The following PDE4D variants were observed in gnomAD, a reference collection of about 807,000 sequenced individuals.
PDE4D encodes the protein 3',5'-cyclic-AMP phosphodiesterase 4D.
A neutral mutation model predicts 87.4 loss-of-function variants in PDE4D; 24 were observed. The observed-to-expected ratio is 0.27, with a 90% confidence interval of 0.20 to 0.39. The LOEUF is 0.39. PDE4D is among the 10% of genes least tolerant of loss of function. The pLI is 1.00. For synonymous variants in PDE4D, 384 were observed against 383.2 expected (o/e 1.00, Z -0.02); for missense variants, 714 against 1,041.0 (o/e 0.69, Z 4.32).
In PDE4D at chr5:59,267,245, C is replaced by T. The variant is rs573043824; in HGVS notation, c.456-51277G>A. 2.6e-5 allele frequency among the ~76,000 whole-genome samples: 4 copies of T among 151,980 alleles called. No homozygotes were observed. In the South Asian group the frequency reaches 8.3e-4, roughly 32 times the overall value. On this transcript the variant is annotated intron_variant, in intron 1 of 14. Transcript: ENST00000340635. ...TGGACACATTTTACAGTAATTTATCCTGACTAAAATAGTATCAGTCATATA... is the reference window on the plus strand; with the variant it reads ...TGGACACATTTTACAGTAATTTATCTTGACTAAAATAGTATCAGTCATATA...
In PDE4D at chr5:60,368,891, G is replaced by A. The variant is rs151164633; in HGVS notation, c.-90+119051C>T. Among the ~76,000 whole-genome samples, 622 of 152,174 alleles carry A rather than the reference G, an allele frequency of 4.1e-3. 3 individuals carry two copies. The highest frequency in any genetic ancestry group is 6.8e-3 in the Middle Eastern group (2 of 294). On this transcript the variant is annotated intron_variant, in intron 1 of 16. Coordinates refer to the PDE4D transcript ENST00000502484. The stretch of plus-strand genomic sequence containing the variant: ...CCAGAAGCAGAAGCCTGGACAGCCC[G>A]CAGAACCATGAGCCAATTAAACCTC...
At chr5:59,290,127 T>A (rs1390000470) in intron 1 of PDE4D, among the ~76,000 whole-genome samples, 10 of 151,960 alleles carry the variant, frequency 6.6e-5, no homozygotes, top group Admixed American at 3.9e-4. Context: ...GTAGTCCCTA[T>A]AAAAATACCA....
intron 1 of PDE4D, among the ~76,000 whole-genome samples, chr5:59,237,682 C>T (rs1266482770): frequency 1.3e-5 from 2 of 152,126 alleles, no homozygotes; most frequent in African/African-American, 2.4e-5. Context: ...CATCTTGAAT[C>T]TGCTTCTTGC....
chr5:59,604,774 G>A (rs931747004), intron 1 of PDE4D, among the ~76,000 whole-genome samples: 2 of 152,006 alleles, frequency 1.3e-5, no homozygotes, highest in Admixed American at 1.3e-4. Flanking sequence ...TGCAGATTGT[G>A]AGGGGGTGGG....
intron 1 of PDE4D, among the ~76,000 whole-genome samples, chr5:60,473,875 G>T (rs61166140): frequency 0.25 from 25,631 of 103,936 alleles, 3,650 homozygotes; most frequent in African/African-American, 0.47. Flanking sequence ...GCCCCCGCCC[G>T]CCGCATTATT....
chr5:59,668,724 AAGAAGAAGAAGAAAG>A (rs1746482783), intron 1 of PDE4D, among the ~76,000 whole-genome samples: 4 of 103,392 alleles, frequency 3.9e-5, no homozygotes, highest in Admixed American at 9.3e-5. Flanking sequence ...GAAAAAAAAG[AAGAAGAAGAAGAAAG>A]AAGAAGAAGA....
intron 1 of PDE4D, among the ~76,000 whole-genome samples, chr5:59,870,256 G>C (rs986608145): frequency 6.6e-6 from 1 of 152,180 alleles, no homozygotes; most frequent in Non-Finnish European, 1.5e-5. Flanking sequence ...AACTATGATG[G>C]CTCTTATGCT....
chr5:59,690,381 A>G (rs1750703738), intron 1 of PDE4D, among the ~76,000 whole-genome samples: 1 of 152,196 alleles, frequency 6.6e-6, no homozygotes, highest in African/African-American at 2.4e-5. Flanking sequence ...ATATAGACTA[A>G]TGGAACAGAA....
chr5:58,989,572 T>G (rs1000082084), intron 10 of PDE4D, among the ~76,000 whole-genome samples, 183 bp downstream of exon 10: 1 of 151,798 alleles, frequency 6.6e-6, no homozygotes, highest in Admixed American at 6.6e-5. Context: ...TGACCAACTT[T>G]CATAAGCAAA....
At chr5:59,632,421 G>T (rs1208242638) in intron 1 of PDE4D, among the ~76,000 whole-genome samples, 1 of 152,206 alleles carries the variant, frequency 6.6e-6, no homozygotes, top group Non-Finnish European at 1.5e-5. Context: ...CCTCAAGTTG[G>T]CCCCTGACCC....
intron 1 of PDE4D, among the ~76,000 whole-genome samples, chr5:59,354,895 C>A (rs549873420): frequency 9.2e-5 from 14 of 152,254 alleles, no homozygotes; most frequent in Non-Finnish European, 2.1e-4. Context: ...GAAAGATAAA[C>A]TAGAACCTCC....
intron 2 of PDE4D, among the ~76,000 whole-genome samples, chr5:60,158,585 C>CA (rs1400096060): frequency 6.6e-6 from 1 of 152,056 alleles, no homozygotes; most frequent in East Asian, 1.9e-4. Context: ...TTTTTTGAGA[C>CA]AAAGTCTCGC....
chr5:59,135,086 C>G (rs1298504710), intron 5 of PDE4D, among the ~76,000 whole-genome samples: 1 of 152,088 alleles, frequency 6.6e-6, no homozygotes, highest in Non-Finnish European at 1.5e-5. Context: ...CCCAAATGAC[C>G]CAGGAAACGG....
intron 1 of PDE4D, among the ~76,000 whole-genome samples, chr5:60,428,263 AGATAAAT>A (rs892168124): frequency 1.5e-4 from 23 of 152,310 alleles, no homozygotes; most frequent in African/African-American, 5.5e-4. Flanking sequence ...TTAAAAAGGA[AGATAAAT>A]GATAAACAGA....
At chr5:59,417,780 A>G (rs1384135096) in intron 1 of PDE4D, among the ~76,000 whole-genome samples, 2 of 152,284 alleles carry the variant, frequency 1.3e-5, no homozygotes, top group East Asian at 3.9e-4. Flanking sequence ...TGTACCACTT[A>G]AACATTCATA....
chr5:59,964,376 C>T (rs1158893839), intron 3 of PDE4D, among the ~76,000 whole-genome samples: 1 of 152,140 alleles, frequency 6.6e-6, no homozygotes, highest in Non-Finnish European at 1.5e-5. Context: ...GTATCCCTTC[C>T]GCACCATATG....
Position 59,587,615 on chromosome 5 carries a change from AC to A in PDE4D, c.455+305552del, listed in dbSNP as rs1247978077. 5 of 985,262 alleles carry A rather than the reference AC, an allele frequency of 5.1e-6. No individual in the cohort carries two copies. The Admixed American group carries it at 2.5e-4, about 48-fold the overall frequency. The allele number at this position is 985,262 out of a possible 1,614,324, so 61.0% of individuals were successfully genotyped here. ...ACACTTGCAGGCTCCGTGGTACTGT[AC>A]ATTAACTCTGCAGCAGCCTGGCTCA... On this transcript the variant is annotated intron_variant, in intron 1 of 14. Transcript: ENST00000340635.
At chr5:59,838,289 T>C (rs1416476845) in intron 1 of PDE4D, among the ~76,000 whole-genome samples, 3 of 152,020 alleles carry the variant, frequency 2.0e-5, no homozygotes, top group Non-Finnish European at 2.9e-5. Context: ...CAGTTCAAAT[T>C]ACACTGAACC....
At chr5:60,225,546 G>T (rs895711118) in intron 1 of PDE4D, among the ~76,000 whole-genome samples, 2 of 151,914 alleles carry the variant, frequency 1.3e-5, no homozygotes, top group Non-Finnish European at 1.5e-5. Context: ...TCACTATTAG[G>T]TTCATTTGTT....
Sources: allele counts gnomAD v4.1 joint callset (sites outside exome capture counted in the v4.1 genomes callset), GRCh38; gene constraint gnomAD v4.1.1; transcripts MANE v1.5; gene names NCBI Gene and HGNC (gene_info 2026-07-23, HGNC 2026-07-21).